Variants in ASIC2 observed in about 807,000 individuals in gnomAD.
ASIC2 encodes acid sensing ion channel subunit 2, also known as acid-sensing ion channel 2.
ASIC2 carries 25 observed loss-of-function variants against 57.3 expected under a neutral mutation model. The observed-to-expected ratio is 0.44, with a 90% CI of 0.32 to 0.61. The LOEUF (loss-of-function observed/expected upper bound fraction) is 0.61, where lower values mean the gene tolerates loss of function less well. Ranked by LOEUF, ASIC2 falls within the 20% of genes least tolerant of loss-of-function variation. The pLI is 0.06. For synonymous variants in ASIC2, 319 were observed against 307.5 expected (o/e 1.04, Z -0.39); for missense variants, 641 against 738.1 (o/e 0.87, Z 1.52).
intron 1 of ASIC2, among the ~76,000 whole-genome samples, chr17:33,218,712 A>G (rs552731273): frequency 5.3e-5 from 8 of 152,318 alleles, no homozygotes; most frequent in Admixed American, 1.3e-4. Context: ...TGTTCAGTCA[A>G]TGAGACTGGA....
intron 2 of ASIC2, among the ~76,000 whole-genome samples, chr17:33,101,949 AGAGCT>A (rs976039473): frequency 3.3e-5 from 5 of 151,986 alleles, no homozygotes; most frequent in African/African-American, 1.2e-4. Flanking sequence ...ACTCTATGGC[AGAGCT>A]GTAAAATGCC....
intron 1 of ASIC2, among the ~76,000 whole-genome samples, chr17:33,339,194 G>A (rs534382988): frequency 6.6e-6 from 1 of 152,278 alleles, no homozygotes; most frequent in South Asian, 2.1e-4. Flanking sequence ...GGGTGTTGGG[G>A]AAGGTTGGCT....
Position 34,131,383 on chromosome 17 carries a change from GC to G in ASIC2, c.555+24594del, listed in dbSNP as rs373903812. The stretch of plus-strand genomic sequence containing the variant: ...ATTGTATTCCCTAAATAAACTGCCA[GC>G]CCCCCAAGCTCCACTGCCTAGGCCC... On this transcript the variant is annotated intron_variant, in intron 1 of 9. Coordinates refer to the ASIC2 transcript ENST00000359872. 4.6e-4 allele frequency among the ~76,000 whole-genome samples: 70 copies of G among 152,294 alleles called. 2 individuals carry two copies. The South Asian group carries it at 0.015, about 32-fold the overall frequency.
At chr17:33,768,113 A>G (rs1910988096) in intron 1 of ASIC2, among the ~76,000 whole-genome samples, 1 of 151,110 alleles carries the variant, frequency 6.6e-6, no homozygotes. Context: ...GGTTCACGCC[A>G]TTCTCCTGCC....
At position 33,564,145 on chromosome 17, in the gene ASIC2, G is replaced by A. The variant is rs143703927; in HGVS notation, c.556-452078C>T. On this transcript the variant is annotated intron_variant, in intron 1 of 9. Transcript: ENST00000359872. Reference sequence around the variant, plus strand: ...CGGTCTTGCATGGCTGAGATGAACCGGATAAAGGTGCATTGCTCTGAGACA... The same window carrying A: ...CGGTCTTGCATGGCTGAGATGAACCAGATAAAGGTGCATTGCTCTGAGACA... 1.7e-4 allele frequency among the ~76,000 whole-genome samples: 26 copies of A among 152,248 alleles called. No homozygotes were observed. The East Asian group carries it at 3.9e-3, about 23-fold the overall frequency.
chr17:33,613,566 A>G (rs1363008686), intron 1 of ASIC2, among the ~76,000 whole-genome samples: 2 of 151,720 alleles, frequency 1.3e-5, no homozygotes, highest in East Asian at 3.9e-4. Flanking sequence ...ACGGGTTTTC[A>G]CCGTGTTAGC....
intron 1 of ASIC2, among the ~76,000 whole-genome samples, chr17:33,285,450 C>T (rs966151044): frequency 1.1e-4 from 16 of 152,228 alleles, no homozygotes; most frequent in South Asian, 2.1e-4. Flanking sequence ...GAAAAACTCA[C>T]GCCATCTGCA....
At chr17:33,077,684 C>T (rs540923619) in intron 3 of ASIC2, among the ~76,000 whole-genome samples, 2 of 152,158 alleles carry the variant, frequency 1.3e-5, no homozygotes, top group East Asian at 1.9e-4. Flanking sequence ...CTGTCCAGCC[C>T]GTTTGTCACA....
At position 33,232,446 on chromosome 17, in the gene ASIC2, AATGGTATGGT is replaced by A. The variant is rs796183336; in HGVS notation, c.708+58952_708+58961del. Among the ~76,000 whole-genome samples the A allele has an allele frequency of 4.7e-3, 598 of 128,006 alleles. 6 individuals are homozygous for A. The highest frequency in any genetic ancestry group is 0.017 in the African/African-American group (543 of 31,310). 84.0% of individuals were successfully genotyped at this position (128,006 alleles called of 152,430 possible). A position where few individuals can be genotyped will look rare whatever the true frequency, so the allele number is the denominator to read the frequency against. ...TATGGTATGGTATGGTATGGTATGGAATGGTATGGTATGGTATGGTATGGTATGGTATGGT... is the reference window on the plus strand; with the variant it reads ...TATGGTATGGTATGGTATGGTATGGAATGGTATGGTATGGTATGGTATGGT... On this transcript the variant is annotated intron_variant, in intron 1 of 9. Coordinates refer to ENST00000225823, the MANE Select transcript of ASIC2 (RefSeq NM_183377.2).
At chr17:33,891,800 A>G (rs1914965435) in intron 1 of ASIC2, among the ~76,000 whole-genome samples, 1 of 152,142 alleles carries the variant, frequency 6.6e-6, no homozygotes, top group Non-Finnish European at 1.5e-5. Context: ...AAACATTTAA[A>G]GGGGAGGGGT....
intron 1 of ASIC2, among the ~76,000 whole-genome samples, chr17:33,810,535 C>T (rs1912388976): frequency 6.6e-6 from 1 of 152,130 alleles, no homozygotes; most frequent in Non-Finnish European, 1.5e-5. Flanking sequence ...TGCCCATCTC[C>T]CTTCTCTCCA....
intron 1 of ASIC2, among the ~76,000 whole-genome samples, chr17:33,328,147 GCA>G (rs1907152224): frequency 1.6e-4 from 2 of 12,668 alleles, no homozygotes; most frequent in Admixed American, 1.1e-3. Context: ...TTTTGTTACA[GCA>G]GCTCTACTAG....
chr17:33,490,552 A>G (rs1913720202), intron 1 of ASIC2, among the ~76,000 whole-genome samples: 1 of 152,328 alleles, frequency 6.6e-6, no homozygotes, highest in South Asian at 2.1e-4. Context: ...TTGATAGTGA[A>G]TAAGTCTCAT....
chr17:33,906,180 G>A (rs1427231762), intron 1 of ASIC2, among the ~76,000 whole-genome samples: 1 of 152,024 alleles, frequency 6.6e-6, no homozygotes. Flanking sequence ...CTTATTACGT[G>A]TCTGGTTGGC....
At chr17:33,301,181 C>T (rs898783649) in intron 1 of ASIC2, among the ~76,000 whole-genome samples, 1 of 151,790 alleles carries the variant, frequency 6.6e-6, no homozygotes, top group Admixed American at 6.6e-5. Flanking sequence ...AGGTGTGCAC[C>T]ACCATGCCTG....
At chr17:33,267,936 CT>C (rs1287671432) in intron 1 of ASIC2, among the ~76,000 whole-genome samples, 1 of 152,166 alleles carries the variant, frequency 6.6e-6, no homozygotes, top group East Asian at 1.9e-4. Flanking sequence ...ATTCTCTCTT[CT>C]TTTGGTCACA....
chr17:33,540,793 G>A (rs975085930), intron 1 of ASIC2, among the ~76,000 whole-genome samples: 3 of 152,150 alleles, frequency 2.0e-5, no homozygotes, highest in African/African-American at 4.8e-5. Flanking sequence ...CACAGGACAC[G>A]CTTAATAAGT....
chr17:34,100,674 C>G (rs1910833068), intron 1 of ASIC2, among the ~76,000 whole-genome samples: 1 of 152,150 alleles, frequency 6.6e-6, no homozygotes. Context: ...GCTGAGGGCT[C>G]CCAGGAACCA....
rs148021195 is a variant in ASIC2, at chr17:33,390,207, G to A, written c.556-278140C>T. Among the ~76,000 whole-genome samples the A allele has an allele frequency of 9.8e-3, 1,487 of 152,058 alleles. 76 individuals carry two copies. The East Asian group carries it at 0.15, about 16-fold the overall frequency. ...ACACGCCTGTAATCCCAGCTACTCA[G>A]GAGGGTGAGGCAGGAGAATCACTTG... On this transcript the variant is annotated intron_variant, in intron 1 of 9. Transcript: ENST00000359872.
Sources: allele counts gnomAD v4.1 joint callset (sites outside exome capture counted in the v4.1 genomes callset), GRCh38; gene constraint gnomAD v4.1.1; transcripts MANE v1.5; gene names NCBI Gene and HGNC (gene_info 2026-07-23, HGNC 2026-07-21).